Variants in HEATR1 observed in about 807,000 individuals in gnomAD.
The protein encoded by HEATR1 is HEAT repeat containing 1.
In HEATR1, 77 loss-of-function variants were observed where a neutral mutation model predicts 248.2. The ratio of observed to expected loss-of-function variants is 0.31; its 90% confidence interval spans 0.26 to 0.37. The LOEUF (loss-of-function observed/expected upper bound fraction) is 0.37. Among genes scored for constraint, HEATR1 ranks in the 10% least tolerant of loss-of-function variants. The probability of loss-of-function intolerance (pLI) is 1.00; values close to 1 mark genes in which losing one functional copy is unlikely to be tolerated. For missense variants in HEATR1, 2,420 were observed against 2,504.9 expected (o/e 0.97, Z 0.72); for synonymous variants, 897 against 923.1 (o/e 0.97, Z 0.51).
Position 236,587,492 on chromosome 1 carries a change from TA to T in HEATR1, c.1627-3del. 1 of 1,463,128 alleles carries T rather than the reference TA, an allele frequency of 6.8e-7. No homozygotes were observed. The highest frequency in any genetic ancestry group is 9.2e-7 in the Non-Finnish European group (1 of 1,085,456). The allele number at this position is 1,463,128 out of a possible 1,614,324, so 90.6% of individuals were successfully genotyped here. ...TGAACTGAAGTGTTCTTTGAAAATC[TA>T]AAGGGAAAAAAATATCCAGAGTAGA... On this transcript the variant is annotated splice_region_variant and splice_polypyrimidine_tract_variant and intron_variant, in intron 13 of 44. Coordinates refer to ENST00000366582, the MANE Select transcript of HEATR1 (RefSeq NM_018072.6).
intron 20 of HEATR1, among the ~76,000 whole-genome samples, chr1:236,579,757 A>T (rs1663658814): frequency 6.6e-6 from 1 of 152,168 alleles, no homozygotes; most frequent in African/African-American, 2.4e-5. Flanking sequence ...TTTAGAAATA[A>T]AACTTGAAAT....
intron 29 of HEATR1, among the ~76,000 whole-genome samples, chr1:236,568,753 C>T (rs1346557372): frequency 3.3e-5 from 5 of 152,010 alleles, no homozygotes; most frequent in South Asian, 2.1e-4. Flanking sequence ...ACAGCAGAAC[C>T]AGCTATAACA....
chr1:236,552,228 A>G, intron 43 of HEATR1, 121 bp from the exon 44 acceptor site: 1 of 612,932 alleles, frequency 1.6e-6, no homozygotes, highest in Non-Finnish European at 2.9e-6. Context: ...GCGTTTATTC[A>G]CTTCATTATG....
At position 236,572,640 on chromosome 1, in the gene HEATR1, G is replaced by T. The variant is rs1663458638; in HGVS notation, c.3563+85C>A. On this transcript the variant is annotated intron_variant, in intron 25 of 44. Transcript: ENST00000366582. ...CCATTGTGCCTGATTATAGCAAATT[G>T]ATGAGTATCAAAAAGTTCCAATGGT... 6 of 1,593,704 alleles carry T rather than the reference G, an allele frequency of 3.8e-6. 1 individual carries two copies. The highest frequency in any genetic ancestry group is 5.2e-6 in the Non-Finnish European group (6 of 1,162,762).
rs375244010 is a variant in HEATR1 at position 236,559,027 on chromosome 1, G to T, written c.4879C>A (p.Leu1627Met). The T allele has an allele frequency of 1.2e-6, 2 of 1,611,506 alleles. No homozygotes were observed. The highest frequency in any genetic ancestry group is 1.7e-6 in the Non-Finnish European group (2 of 1,179,448). ...TTCTTCCAGGATATATTTTGCTGCA[G>T]CTTGTTATTCAAAAGGTCCAGCGCT... ...RKALDLLNNK[L>M]QQNISWKKTI... is the part of the protein sequence containing the mutation. The change falls in exon 35 of 45, where the codon CTG becomes ATG. Residue 1627 changes from leucine (L) to methionine (M), a missense_variant. Leu to Met is a conservative substitution (Grantham distance 15, BLOSUM62 2). Transcript: ENST00000366582.
chr1:236,580,300 T>A (rs1486550038), intron 20 of HEATR1, among the ~76,000 whole-genome samples: 1 of 152,170 alleles, frequency 6.6e-6, no homozygotes, highest in African/African-American at 2.4e-5. Context: ...GAGGGTTTTG[T>A]TTTTGTTAGC....
At chr1:236,585,507 T>A (rs1047971203) in intron 16 of HEATR1, among the ~76,000 whole-genome samples, 1 of 152,204 alleles carries the variant, frequency 6.6e-6, no homozygotes, top group Non-Finnish European at 1.5e-5. Context: ...TTTGGGATTA[T>A]ATTTTGCTAT....
At chr1:236,578,621 T>C (rs1011094743) in intron 20 of HEATR1, among the ~76,000 whole-genome samples, 7 of 152,238 alleles carry the variant, frequency 4.6e-5, no homozygotes, top group African/African-American at 1.7e-4. Context: ...TTTTATATTC[T>C]GGGCATGAAC....
At chr1:236,570,302 A>AAACT (rs1663392891) in intron 28 of HEATR1, among the ~76,000 whole-genome samples, 1 of 152,204 alleles carries the variant, frequency 6.6e-6, no homozygotes, top group Non-Finnish European at 1.5e-5. Context: ...ACAAACAAAC[A>AAACT]AACAAACAAA....
chr1:236,573,087 T>C (rs749377336), intron 24 of HEATR1, among the ~76,000 whole-genome samples: 1 of 152,190 alleles, frequency 6.6e-6, no homozygotes, highest in Non-Finnish European at 1.5e-5. Flanking sequence ...AGATTTTCAT[T>C]TTAACCAAGC....
chr1:236,561,273 TA>T lies in HEATR1; in HGVS notation c.4600-3del, dbSNP rs1663122988. The T allele has an allele frequency of 6.2e-7, 1 of 1,608,500 alleles. No homozygotes were observed. Among genetic ancestry groups the T allele is most frequent in the Non-Finnish European group, 8.5e-7 (1 of 1,175,082 alleles). On this transcript the variant is annotated splice_polypyrimidine_tract_variant and splice_region_variant and intron_variant, in intron 32 of 44. Coordinates refer to ENST00000366582, the MANE Select transcript of HEATR1 (RefSeq NM_018072.6). ...CTCAGGACCACCACTCTCAACTACC[TA>T]ATTTTTAAAGAAGACGTCATTAGAA...
intron 31 of HEATR1, 113 bp downstream of exon 31, chr1:236,565,806 G>C (rs1173487869): frequency 3.9e-6 from 4 of 1,023,040 alleles, no homozygotes; most frequent in Non-Finnish European, 5.6e-6. Context: ...AAATTAAAAT[G>C]ATTAACTTAC....
rs1366209678 is a variant in HEATR1 at position 236,559,065 on chromosome 1, G to C, written c.4841C>G (p.Ser1614Cys). Reference protein sequence around the residue: ...IRGLVGNPLPSVRRKALDLLN... With the variant: ...IRGLVGNPLPCVRRKALDLLN... ...AAGGTCCAGCGCTTTGCGGCGAACA[G>C]ATGGCAGGGGATTGCCCACCAGCCC... Residue 1614 changes from serine (S) to cysteine (C), a missense_variant, in exon 35 of 45, where the codon TCT becomes TGT. Coordinates refer to ENST00000366582, the MANE Select transcript of HEATR1 (RefSeq NM_018072.6). 6.2e-7 allele frequency: 1 copy of C among 1,613,014 alleles called. No individual in the cohort carries two copies. Among genetic ancestry groups the C allele is most frequent in the Non-Finnish European group, 8.5e-7 (1 of 1,179,800 alleles).
At chr1:236,574,042 T>G (rs1436332472) in intron 24 of HEATR1, 160 bp downstream of exon 24, 4 of 511,948 alleles carry the variant, frequency 7.8e-6, no homozygotes, top group Non-Finnish European at 9.9e-6. Context: ...TTTAAAATTT[T>G]TATTTTATGC....
chr1:236,586,146 G>A, intron 15 of HEATR1, 95 bp downstream of exon 15: 1 of 1,131,606 alleles, frequency 8.8e-7, no homozygotes, highest in Admixed American at 3.5e-5. Context: ...GACCTTACTG[G>A]CATATAAGCA....
rs561795821 is a variant in HEATR1, at chr1:236,556,043, C to T, written c.5514+57G>A. 1.1e-5 allele frequency: 17 copies of T among 1,607,514 alleles called. No individual in the cohort carries two copies. The East Asian group carries it at 3.1e-4, about 30-fold the overall frequency. On this transcript the variant is annotated intron_variant, in intron 38 of 44. Coordinates refer to ENST00000366582, the MANE Select transcript of HEATR1 (RefSeq NM_018072.6). The stretch of plus-strand genomic sequence containing the variant: ...ATCTTCTTCTTTAAGTCAAAGTTTA[C>T]ACATTGCAGTACCACCTCTCCCTTC...
At chr1:236,597,194 A>G (rs1267028457) in intron 5 of HEATR1, among the ~76,000 whole-genome samples, 3 of 151,958 alleles carry the variant, frequency 2.0e-5, no homozygotes, top group African/African-American at 7.2e-5. Context: ...GCAACAATGA[A>G]TACACAATGT....
At position 236,569,186 on chromosome 1, in the gene HEATR1, C is replaced by T. The variant is rs1663356233; in HGVS notation, c.3949-62G>A. On this transcript the variant is annotated intron_variant, in intron 28 of 44. Coordinates refer to ENST00000366582, the MANE Select transcript of HEATR1 (RefSeq NM_018072.6). The stretch of plus-strand genomic sequence containing the variant: ...TGTTAATTTCTACTAATTTTTTTTT[C>T]AAGAGATAGCGTCTCGCTCCGTCAT... 12 of 1,337,278 alleles carry T rather than the reference C, an allele frequency of 9.0e-6. No homozygotes were observed. In the Admixed American group the frequency reaches 1.1e-4, roughly 12 times the overall value. The allele number at this position is 1,337,278 out of a possible 1,614,324, so 82.8% of individuals were successfully genotyped here.
intron 9 of HEATR1, 96 bp from the exon 10 acceptor site, chr1:236,592,729 T>C: frequency 1.7e-6 from 1 of 572,526 alleles, no homozygotes; most frequent in Non-Finnish European, 3.2e-6. Flanking sequence ...TTATCTCTAA[T>C]TGTCATACTT....
Sources: allele counts gnomAD v4.1 joint callset (sites outside exome capture counted in the v4.1 genomes callset), GRCh38; gene constraint gnomAD v4.1.1; transcripts MANE v1.5; gene names NCBI Gene and HGNC (gene_info 2026-07-23, HGNC 2026-07-21).